NEBL: variants seen among roughly 807,000 people sequenced by gnomAD.
NEBL encodes the protein nebulette.
Under a neutral mutation model 140.2 loss-of-function variants are expected in NEBL, and 122 were observed. That is an observed-to-expected ratio of 0.87 (90% confidence interval 0.75 to 1.01). The LOEUF (loss-of-function observed/expected upper bound fraction) is 1.01, where lower values mean the gene tolerates loss of function less well. Among genes scored for constraint, NEBL ranks in the 50% least tolerant of loss-of-function variants. The probability of loss-of-function intolerance (pLI) is 0.00; values close to 1 mark genes in which losing one functional copy is unlikely to be tolerated. For synonymous variants in NEBL, 436 were observed against 398.9 expected, an observed-to-expected ratio of 1.09 and a Z score of -1.11; for missense variants, 1,365 against 1,231.3, an observed-to-expected ratio of 1.11 and a Z score of -1.62.
At chr10:21,110,944 C>A in intron 2 of NEBL, 1 of 450,212 alleles carries the variant, frequency 2.2e-6, no homozygotes, top group South Asian at 1.9e-5. Flanking sequence ...TCCTATGCAG[C>A]AATAACAGAC....
intron 7 of NEBL, among the ~76,000 whole-genome samples, chr10:20,863,803 A>G (rs1843980371): frequency 6.6e-6 from 1 of 152,160 alleles, no homozygotes; most frequent in South Asian, 2.1e-4. Flanking sequence ...TATATTATGC[A>G]ACTACTACAA....
intron 1 of NEBL, among the ~76,000 whole-genome samples, chr10:21,292,702 A>G (rs906527420): frequency 6.6e-6 from 1 of 152,254 alleles, no homozygotes; most frequent in East Asian, 1.9e-4. Context: ...TAGTAAAAGC[A>G]TAAGAAAAAC....
upstream of NEBL, chr10:20,897,447 T>C: frequency 8.2e-7 from 1 of 1,220,128 alleles, no homozygotes; most frequent in Non-Finnish European, 1.0e-6. Flanking sequence ...TTAAGCAAAA[T>C]TTGATTTTAT....
intron 3 of NEBL, among the ~76,000 whole-genome samples, chr10:20,984,323 T>C (rs1837168640): frequency 6.6e-6 from 1 of 152,224 alleles, no homozygotes; most frequent in Non-Finnish European, 1.5e-5. Flanking sequence ...ATAATGTAGT[T>C]GTCAGTTTGT....
chr10:21,137,985 G>A (rs1839434081), intron 2 of NEBL, among the ~76,000 whole-genome samples: 1 of 151,478 alleles, frequency 6.6e-6, no homozygotes, highest in African/African-American at 2.4e-5. Context: ...AGAAAGGAAG[G>A]AACTGGAAGT....
At chr10:20,818,483 T>C (rs1187710665) in intron 20 of NEBL, among the ~76,000 whole-genome samples, 1 of 152,230 alleles carries the variant, frequency 6.6e-6, no homozygotes, top group Non-Finnish European at 1.5e-5. Flanking sequence ...CACAACAGAC[T>C]ATTGAATGAC....
At chr10:21,029,162 GAC>G (rs1833671112) in intron 2 of NEBL, 2 of 1,339,732 alleles carry the variant, frequency 1.5e-6, no homozygotes, top group Non-Finnish European at 2.1e-6. Context: ...TCAACGATTT[GAC>G]ACAGTAATGA....
chr10:21,157,526 G>T lies in NEBL; in HGVS notation c.164+14857C>A, dbSNP rs181657007. Among the ~76,000 whole-genome samples the T allele has an allele frequency of 1.3e-3, 191 of 152,208 alleles. 1 individual carries two copies. The highest frequency in any genetic ancestry group is 3.4e-3 in the Middle Eastern group (1 of 294). On this transcript the variant is annotated intron_variant, in intron 2 of 6. Transcript: ENST00000417816. ...GCAGAGGCTGCAGTGAGCCGAGATG[G>T]TGCTACTGTACTCTAGCCTGGGTGA...
At chr10:21,185,773 C>T (rs1174858870) in intron 3 of NEBL, among the ~76,000 whole-genome samples, 2 of 152,196 alleles carry the variant, frequency 1.3e-5, no homozygotes, top group Non-Finnish European at 2.9e-5. Flanking sequence ...GTTGGGATTA[C>T]AGGCGTGACC....
At chr10:21,259,774 C>T (rs1175457574) in intron 1 of NEBL, among the ~76,000 whole-genome samples, 1 of 150,808 alleles carries the variant, frequency 6.6e-6, no homozygotes, top group African/African-American at 2.5e-5. Context: ...TAATCCAGGC[C>T]TAAACCAGTC....
chr10:21,019,554 C>A (rs1301935699), intron 3 of NEBL, among the ~76,000 whole-genome samples: 1 of 152,250 alleles, frequency 6.6e-6, no homozygotes, highest in Non-Finnish European at 1.5e-5. Context: ...CAACCCTAGT[C>A]TTAACTGATG....
chr10:20,874,955 T>A (rs989405633), intron 5 of NEBL, among the ~76,000 whole-genome samples: 1 of 152,100 alleles, frequency 6.6e-6, no homozygotes, highest in Non-Finnish European at 1.5e-5. Flanking sequence ...GCCAGGTTGG[T>A]CTCAAACTCC....
rs1001236370 is a variant in NEBL at position 20,783,221 on chromosome 10, C to A, written c.*2526G>T. The A allele has an allele frequency of 6.6e-6, 1 of 152,124 alleles. No individual in the cohort carries two copies. The highest frequency in any genetic ancestry group is 1.5e-5 in the Non-Finnish European group (1 of 68,022). The allele number at this position is 152,124 out of a possible 1,614,324, so 9.4% of individuals were successfully genotyped here. On this transcript the variant is annotated 3_prime_UTR_variant, in exon 28 of 28. Coordinates refer to ENST00000377122, the MANE Select transcript of NEBL (RefSeq NM_006393.3). Reference sequence around the variant, plus strand: ...TTAAAAATAGCACTTTGGTTTTATACATATAATTTTCCAATATTTCTCCTG... The same window carrying A: ...TTAAAAATAGCACTTTGGTTTTATAAATATAATTTTCCAATATTTCTCCTG...
In NEBL at chr10:20,984,552, G is replaced by T. The variant is rs1837180461; in HGVS notation, c.250-22773C>A. ...CTAGTTGAAATTCGACTTGTTTTAA[G>T]CCAGAACATCGAAGAATTGGAGCAT... is the stretch of plus-strand genomic sequence containing the variant. On this transcript the variant is annotated intron_variant, in intron 3 of 6. Transcript: ENST00000417816. Among the ~76,000 whole-genome samples the T allele has an allele frequency of 3.3e-5, 5 of 152,196 alleles. No individual in the cohort carries two copies. The South Asian group carries it at 1.0e-3, about 32-fold the overall frequency.
chr10:21,025,257 G>A (rs945479021), intron 2 of NEBL, among the ~76,000 whole-genome samples: 2 of 152,200 alleles, frequency 1.3e-5, no homozygotes, highest in Non-Finnish European at 2.9e-5. Context: ...AGCTGGTTGA[G>A]AGATGTGGGG....
At chr10:21,112,880 A>G (rs1436067633) in intron 2 of NEBL, 4 of 329,236 alleles carry the variant, frequency 1.2e-5, no homozygotes, top group East Asian at 1.8e-4. Context: ...GACAGTATTT[A>G]GTATCTGTGG....
intron 2 of NEBL, among the ~76,000 whole-genome samples, chr10:21,166,219 CAAAAAAAAAAA>C (rs1170225891): frequency 5.7e-5 from 2 of 35,398 alleles, no homozygotes; most frequent in African/African-American, 8.3e-5. Context: ...GACTGTGTCT[CAAAAAAAAAAA>C]AAAAAAAAAA....
chr10:20,865,974 G>T (rs1844239736), intron 7 of NEBL, among the ~76,000 whole-genome samples: 1 of 152,142 alleles, frequency 6.6e-6, no homozygotes, highest in Non-Finnish European at 1.5e-5. Flanking sequence ...TTCACCATTT[G>T]TGAGCCAGAC....
intron 2 of NEBL, among the ~76,000 whole-genome samples, chr10:21,154,831 C>A (rs1159857143): frequency 6.6e-6 from 1 of 152,082 alleles, no homozygotes; most frequent in Non-Finnish European, 1.5e-5. Flanking sequence ...TTTATTTTAA[C>A]CTTTGTGGGT....
Sources: gnomAD v4.1 joint callset for allele counts (sites outside exome capture counted in the v4.1 genomes callset) on GRCh38, gnomAD v4.1.1 for gene constraint, MANE v1.5 for transcripts, NCBI Gene and HGNC (gene_info 2026-07-23, HGNC 2026-07-21) for gene names.